The following SLC17A1 variants were observed in gnomAD, a reference collection of about 807,000 sequenced individuals.
SLC17A1 encodes the protein sodium-dependent phosphate transport protein 1.
A neutral mutation model predicts 53.5 loss-of-function variants in SLC17A1; 51 were observed. The ratio of observed to expected loss-of-function variants is 0.95; its 90% CI spans 0.76 to 1.20. The LOEUF is 1.20. Among genes scored for constraint, SLC17A1 ranks in the 50% most tolerant of loss-of-function variants. The probability of loss-of-function intolerance (pLI) is 0.00; values close to 1 mark genes in which losing one functional copy is unlikely to be tolerated. For missense variants in SLC17A1, 538 were observed against 568.2 expected (o/e 0.95, Z 0.54); for synonymous variants, 179 against 198.8 (o/e 0.90, Z 0.84).
intron 6 of SLC17A1, among the ~76,000 whole-genome samples, chr6:25,816,427 A>G (rs1423964652): frequency 1.3e-5 from 2 of 152,254 alleles, no homozygotes; most frequent in Admixed American, 6.5e-5. Context: ...CTATTTAAGC[A>G]AGACATTCCA....
chr6:25,768,316 C>T, the SLC17A1 span: 1 of 948,114 alleles, frequency 1.1e-6, no homozygotes, highest in Non-Finnish European at 1.3e-6. Context: ...TCATACATTA[C>T]CTCTGGGATT....
chr6:25,808,370 A>AT (rs1394357537), intron 10 of SLC17A1, among the ~76,000 whole-genome samples: 2 of 151,960 alleles, frequency 1.3e-5, no homozygotes, highest in Non-Finnish European at 1.5e-5. Context: ...CGGGCAAGGG[A>AT]TAAAAAAAAC....
Position 25,811,641 on chromosome 6 carries a change from C to T in SLC17A1, c.1027G>A (p.Ala343Thr), listed in dbSNP as rs765169684. The T allele has an allele frequency of 1.8e-5, 29 of 1,613,804 alleles. No homozygotes were observed. Among genetic ancestry groups the T allele is most frequent in the Non-Finnish European group, 2.3e-5 (27 of 1,179,898 alleles). ...VIAVRKLFTA[A>T]GFLLPAIFGV... ...AAATGTTCTGGCTGTTGCTTACCTG[C>T]TGCTGTGAAGAGTTTCCGGACAGCA... Residue 343 changes from alanine (A) to threonine (T), a missense_variant, in exon 9 of 13, where the codon GCA becomes ACA. Transcript: ENST00000244527.
At chr6:25,751,782 G>A in the SLC17A1 span, among the ~76,000 whole-genome samples, 3 of 151,964 alleles carry the variant, frequency 2.0e-5, no homozygotes, top group Non-Finnish European at 4.4e-5. Flanking sequence ...TCTTGCTGTT[G>A]TCTAATGAGC....
chr6:25,773,952 A>G, the SLC17A1 span, among the ~76,000 whole-genome samples: 1 of 152,130 alleles, frequency 6.6e-6, no homozygotes, highest in Non-Finnish European at 1.5e-5. Flanking sequence ...CATATTTATC[A>G]TATTTTAAGG....
In SLC17A1 at chr6:25,818,381, A is replaced by G. The variant is rs188359189; in HGVS notation, c.616+687T>C. ...AGATATTCCGAGCTCCTGTATCGCTAGCCCCAGGTAACTGGACTATTCCTA... is the reference window on the plus strand; with the variant it reads ...AGATATTCCGAGCTCCTGTATCGCTGGCCCCAGGTAACTGGACTATTCCTA... On this transcript the variant is annotated intron_variant, in intron 6 of 12. Coordinates refer to ENST00000244527, the MANE Select transcript of SLC17A1 (RefSeq NM_005074.5). Among the ~76,000 whole-genome samples the G allele has an allele frequency of 5.5e-3, 837 of 152,318 alleles. 3 individuals carry two copies. Among genetic ancestry groups the G allele is most frequent in the Middle Eastern group, 0.014 (4 of 294 alleles).
chr6:25,726,841 T>C, the SLC17A1 span: 2 of 1,517,884 alleles, frequency 1.3e-6, no homozygotes, highest in Non-Finnish European at 1.8e-6. Flanking sequence ...GAAGAGCTGT[T>C]GAGCACTGGA....
At chr6:25,784,973 A>G (rs1763349353) in intron 12 of SLC17A1, among the ~76,000 whole-genome samples, 1 of 152,210 alleles carries the variant, frequency 6.6e-6, no homozygotes, top group African/African-American at 2.4e-5. Context: ...AAGTAAAACT[A>G]TATCTTACAA....
chr6:25,736,180 C>T, the SLC17A1 span, among the ~76,000 whole-genome samples: 2 of 152,114 alleles, frequency 1.3e-5, no homozygotes, highest in African/African-American at 4.8e-5. Context: ...ACTTCAGTCC[C>T]AGCAGCTTTT....
chr6:25,764,103 T>G, the SLC17A1 span, among the ~76,000 whole-genome samples: 1 of 152,048 alleles, frequency 6.6e-6, no homozygotes, highest in Non-Finnish European at 1.5e-5. Flanking sequence ...CAGGCAGAAA[T>G]CCCATGTCTA....
At chr6:25,819,250 A>G (rs969268894) in intron 5 of SLC17A1, 96 bp from the exon 6 acceptor site, 1 of 829,128 alleles carries the variant, frequency 1.2e-6, no homozygotes, top group African/African-American at 1.7e-5. Context: ...TTTCCTGTGA[A>G]ACAAATTTGT....
At chr6:25,806,590 G>C (rs1763962142) in intron 10 of SLC17A1, among the ~76,000 whole-genome samples, 1 of 151,796 alleles carries the variant, frequency 6.6e-6, no homozygotes, top group Non-Finnish European at 1.5e-5. Flanking sequence ...TCAAAACCTA[G>C]GAAAAACTCT....
intron 10 of SLC17A1, among the ~76,000 whole-genome samples, chr6:25,801,931 T>G (rs141154658): frequency 6.6e-6 from 1 of 151,664 alleles, no homozygotes; most frequent in Non-Finnish European, 1.5e-5. Context: ...TTGTAATGGA[T>G]GAAGAAGTAC....
chr6:25,751,239 C>A, the SLC17A1 span, among the ~76,000 whole-genome samples: 30 of 152,114 alleles, frequency 2.0e-4, no homozygotes, highest in African/African-American at 5.1e-4. Context: ...CAACATCAGC[C>A]CTGAAGCTAT....
At chr6:25,759,069 G>T in the SLC17A1 span, among the ~76,000 whole-genome samples, 5 of 152,230 alleles carry the variant, frequency 3.3e-5, no homozygotes, top group East Asian at 9.7e-4. Context: ...TGATCATTTA[G>T]GAGCAGCTTA....
intron 3 of SLC17A1, among the ~76,000 whole-genome samples, chr6:25,820,426 A>T (rs907291143): frequency 4.6e-5 from 7 of 152,236 alleles, no homozygotes; most frequent in Non-Finnish European, 1.0e-4. Flanking sequence ...AACCATGAAG[A>T]ATTCTCAGAC....
chr6:25,831,386 T>C (rs1312670395), intron 1 of SLC17A1, among the ~76,000 whole-genome samples: 1 of 152,172 alleles, frequency 6.6e-6, no homozygotes, highest in Admixed American at 6.5e-5. Flanking sequence ...TATTTTTGAA[T>C]AAGCAATTTG....
intron 2 of SLC17A1, 64 bp downstream of exon 2, chr6:25,830,460 G>A: frequency 8.2e-7 from 1 of 1,221,698 alleles, no homozygotes; most frequent in Non-Finnish European, 1.2e-6. Context: ...TCTTCCACAT[G>A]GAATCTGTGA....
chr6:25,768,876 C>T, the SLC17A1 span: 2 of 1,010,418 alleles, frequency 2.0e-6, no homozygotes, highest in Admixed American at 4.0e-5. Context: ...GTCTGCTCTC[C>T]CTATATTTCT....
Sources: allele counts gnomAD v4.1 joint callset (sites outside exome capture counted in the v4.1 genomes callset), GRCh38; gene constraint gnomAD v4.1.1; transcripts MANE v1.5; gene names NCBI Gene and HGNC (gene_info 2026-07-23, HGNC 2026-07-21).